AEBP2: variants seen among roughly 807,000 people sequenced by gnomAD.
The protein encoded by AEBP2 is zinc finger protein AEBP2.
AEBP2 carries 10 observed loss-of-function variants against 50.8 expected under a neutral mutation model. The ratio of observed to expected loss-of-function variants is 0.20; its 90% confidence interval spans 0.12 to 0.33. The LOEUF (loss-of-function observed/expected upper bound fraction) is 0.33. Ranked by LOEUF, AEBP2 falls within the 10% of genes least tolerant of loss-of-function variation. The pLI, the probability that AEBP2 is intolerant of heterozygous loss-of-function variation, is 1.00. For synonymous variants in AEBP2, 296 were observed against 261.3 expected, an observed-to-expected ratio of 1.13 and a Z score of -1.28; for missense variants, 570 against 688.0, an observed-to-expected ratio of 0.83 and a Z score of 1.92.
At chr12:19,440,547 A>C in intron 1 of AEBP2, 177 bp downstream of exon 1, 1 of 1,378,574 alleles carries the variant, frequency 7.3e-7, no homozygotes. Context: ...CTCGCAGCGC[A>C]TCGCGGCTTC....
At chr12:19,430,913 C>T (rs1418393286) in intron 1 of AEBP2, among the ~76,000 whole-genome samples, 1 of 151,182 alleles carries the variant, frequency 6.6e-6, no homozygotes, top group Non-Finnish European at 1.5e-5. Context: ...GTTACAGCTA[C>T]TCAGGAGGCT....
At chr12:19,464,389 A>G (rs1948433859) in intron 2 of AEBP2, among the ~76,000 whole-genome samples, 1 of 152,024 alleles carries the variant, frequency 6.6e-6, no homozygotes, top group African/African-American at 2.4e-5. Context: ...CTGTGTATAG[A>G]ATCATGAGCT....
chr12:19,513,330 ATCTT>A lies in AEBP2; in HGVS notation c.1367+870_1367+873del, dbSNP rs552127213. On this transcript the variant is annotated intron_variant, in intron 6 of 7. Transcript: ENST00000266508. ...GTTCATATATTTCATGTATTTTTTT[ATCTT>A]TCTTATTAAAATTTTCTTTTTATAA... 2.1e-3 allele frequency among the ~76,000 whole-genome samples: 281 copies of A among 131,544 alleles called. 2 individuals carry two copies. The highest frequency in any genetic ancestry group is 7.0e-3 in the East Asian group (31 of 4,440). The allele number at this position is 131,544 out of a possible 152,430, so 86.3% of individuals were successfully genotyped here.
At chr12:19,411,985 C>T (rs1019675289) in intron 1 of AEBP2, among the ~76,000 whole-genome samples, 3 of 152,260 alleles carry the variant, frequency 2.0e-5, no homozygotes, top group South Asian at 2.1e-4. Flanking sequence ...ACATCACCCA[C>T]GTGAAAGGCA....
At chr12:19,443,078 G>C (rs1274194688) in intron 1 of AEBP2, among the ~76,000 whole-genome samples, 3 of 147,720 alleles carry the variant, frequency 2.0e-5, no homozygotes, top group Non-Finnish European at 4.4e-5. Flanking sequence ...AGAATTTGTT[G>C]AACATCTTTG....
Position 19,521,753 on chromosome 12 carries a change from C to G in AEBP2, c.*3636C>G, listed in dbSNP as rs922434356. On this transcript the variant is annotated 3_prime_UTR_variant, in exon 8 of 8. Coordinates refer to ENST00000266508, the MANE Select transcript of AEBP2 (RefSeq NM_153207.5). ...TTTAAATATGGTAATACTCTTAAAA[C>G]GGTAGAATTTGCCACAGTTGTTTAA... is the stretch of plus-strand genomic sequence containing the variant. 1 of 151,920 alleles carries G rather than the reference C, an allele frequency of 6.6e-6. No individual in the cohort carries two copies. The highest frequency in any genetic ancestry group is 6.6e-5 in the Admixed American group (1 of 15,254). 9.4% of individuals were successfully genotyped at this position (151,920 alleles called of 1,614,324 possible).
At chr12:19,465,918 A>C (rs971192411) in intron 2 of AEBP2, among the ~76,000 whole-genome samples, 10 of 150,206 alleles carry the variant, frequency 6.7e-5, no homozygotes, top group Non-Finnish European at 1.2e-4. Context: ...CAGCATCTTG[A>C]GTAGCTGGGA....
At chr12:19,510,057 T>G (rs760229924) in intron 5 of AEBP2, among the ~76,000 whole-genome samples, 8 of 152,144 alleles carry the variant, frequency 5.3e-5, no homozygotes, top group Non-Finnish European at 1.0e-4. Context: ...GGTCACAAAC[T>G]TCTAACCTCA....
chr12:19,473,168 T>A (rs939459247), intron 2 of AEBP2, 80 bp from the exon 3 acceptor site: 1 of 532,956 alleles, frequency 1.9e-6, no homozygotes, highest in Non-Finnish European at 2.9e-6. Flanking sequence ...AGTTGTAACA[T>A]GTTAATTTGA....
Position 19,494,163 on chromosome 12 carries a change from G to A in AEBP2, c.1174+177G>A, listed in dbSNP as rs375452275. 9.9e-4 allele frequency among the ~76,000 whole-genome samples: 151 copies of A among 152,296 alleles called. 1 individual carries two copies. The highest frequency in any genetic ancestry group is 3.5e-3 in the African/African-American group (146 of 41,568). On this transcript the variant is annotated intron_variant, in intron 4 of 7. Coordinates refer to ENST00000266508, the MANE Select transcript of AEBP2 (RefSeq NM_153207.5). ...TGGCACATGTTTGTAGTAGCTAAGG[G>A]AGTATATGTGGCCTTCAAATATAAA... is the stretch of plus-strand genomic sequence containing the variant.
intron 3 of AEBP2, among the ~76,000 whole-genome samples, chr12:19,483,206 CG>C (rs1481709682): frequency 2.6e-5 from 4 of 152,084 alleles, no homozygotes; most frequent in Admixed American, 2.6e-4. Flanking sequence ...GAGATATAGT[CG>C]GGGATGGCTT....
chr12:19,496,962 G>A (rs1440183905), intron 4 of AEBP2, among the ~76,000 whole-genome samples: 12 of 150,790 alleles, frequency 8.0e-5, no homozygotes, highest in African/African-American at 2.9e-4. Flanking sequence ...CACCGCACCC[G>A]GCCTGATAAA....
At chr12:19,437,190 A>C (rs1249756493), upstream of AEBP2, among the ~76,000 whole-genome samples, 2 of 152,132 alleles carry the variant, frequency 1.3e-5, no homozygotes, top group African/African-American at 4.8e-5. Flanking sequence ...TTCCACACTC[A>C]GTCTATTACT....
At chr12:19,467,075 A>C (rs1948489919) in intron 2 of AEBP2, among the ~76,000 whole-genome samples, 1 of 152,116 alleles carries the variant, frequency 6.6e-6, no homozygotes, top group South Asian at 2.1e-4. Context: ...AATTAAACTA[A>C]TCTAAACACC....
At chr12:19,452,492 G>A (rs1362983619) in intron 1 of AEBP2, among the ~76,000 whole-genome samples, 2 of 151,116 alleles carry the variant, frequency 1.3e-5, no homozygotes, top group Non-Finnish European at 3.0e-5. Context: ...GGTTGTTAAT[G>A]GTTTTCTTTT....
In AEBP2 at chr12:19,488,912, C is replaced by T. The variant is rs565290835; in HGVS notation, c.988-4888C>T. ...TCAAGCTATTCTCCTGCTTCATCCTCCAAGTAGCTGGGATTACAGGCATCT... is the reference window on the plus strand; with the variant it reads ...TCAAGCTATTCTCCTGCTTCATCCTTCAAGTAGCTGGGATTACAGGCATCT... On this transcript the variant is annotated intron_variant, in intron 3 of 7. Transcript: ENST00000266508. Among the ~76,000 whole-genome samples, 167 of 152,268 alleles carry T rather than the reference C, an allele frequency of 1.1e-3. 1 individual carries two copies. Among genetic ancestry groups the T allele is most frequent in the African/African-American group, 3.9e-3 (163 of 41,564 alleles).
At chr12:19,435,627 C>T (rs1023215570), upstream of AEBP2, among the ~76,000 whole-genome samples, 1 of 152,064 alleles carries the variant, frequency 6.6e-6, no homozygotes, top group Non-Finnish European at 1.5e-5. Context: ...GTTAATTAAC[C>T]TTGTCATGAA....
chr12:19,499,886 C>G (rs1949040182), intron 4 of AEBP2, among the ~76,000 whole-genome samples: 3 of 152,178 alleles, frequency 2.0e-5, no homozygotes, highest in South Asian at 4.1e-4. Flanking sequence ...CTTAACTCAC[C>G]AAGGGTCAGA....
chr12:19,512,311 C>T (rs1027739792), intron 5 of AEBP2, 87 bp from the exon 6 acceptor site: 29 of 884,538 alleles, frequency 3.3e-5, no homozygotes, highest in East Asian at 5.7e-5. Context: ...TGAGCCATCG[C>T]GCCCAGCCCC....
Sources: allele counts gnomAD v4.1 joint callset (sites outside exome capture counted in the v4.1 genomes callset), GRCh38; gene constraint gnomAD v4.1.1; transcripts MANE v1.5; gene names NCBI Gene and HGNC (gene_info 2026-07-23, HGNC 2026-07-21).